ITPR2: variants seen among roughly 807,000 people sequenced by gnomAD.
ITPR2 encodes inositol 1,4,5-trisphosphate-gated calcium channel ITPR2.
A neutral mutation model predicts 317.1 loss-of-function variants in ITPR2; 207 were observed. The ratio of observed to expected loss-of-function variants is 0.65; its 90% CI spans 0.58 to 0.73. The LOEUF is 0.73. Among genes scored for constraint, ITPR2 ranks in the 30% least tolerant of loss-of-function variants. ITPR2 has a pLI of 0.00. For synonymous variants in ITPR2, 1,156 were observed against 1,149.1 expected, an observed-to-expected ratio of 1.01 and a Z score of -0.12; for missense variants, 2,613 against 3,284.0, an observed-to-expected ratio of 0.80 and a Z score of 4.99.
At chr12:26,793,086 A>G (rs1950371704) in intron 1 of ITPR2, among the ~76,000 whole-genome samples, 2 of 152,214 alleles carry the variant, frequency 1.3e-5, no homozygotes, top group South Asian at 4.1e-4. Context: ...ATAGTAAACA[A>G]TAATTCCAGA....
intron 55 of ITPR2, among the ~76,000 whole-genome samples, chr12:26,367,413 AT>A (rs1939045864): frequency 6.6e-6 from 1 of 151,930 alleles, no homozygotes; most frequent in Non-Finnish European, 1.5e-5. Context: ...CATACCCTAT[AT>A]TTTTTTCTTT....
rs1938604941 is a variant in ITPR2 at position 26,355,398 on chromosome 12, T to C, written c.7858-15070A>G. 8.9e-5 allele frequency among the ~76,000 whole-genome samples: 10 copies of C among 111,834 alleles called. No individual in the cohort carries two copies. The Admixed American group carries it at 1.0e-3, about 12-fold the overall frequency. The allele number at this position is 111,834 out of a possible 152,430, so 73.4% of individuals were successfully genotyped here. On this transcript the variant is annotated intron_variant, in intron 55 of 56. Transcript: ENST00000381340. The stretch of plus-strand genomic sequence containing the variant: ...GGTTCCATTAAAACCTAGACTATCA[T>C]TTATTGGATCTGGACCAACTAAGAA...
intron 55 of ITPR2, among the ~76,000 whole-genome samples, chr12:26,347,019 TA>T (rs777995757): frequency 6.6e-6 from 1 of 152,166 alleles, no homozygotes; most frequent in Non-Finnish European, 1.5e-5. Context: ...CCACACCCAG[TA>T]TACTGCAAAT....
intron 45 of ITPR2, among the ~76,000 whole-genome samples, chr12:26,446,832 C>A (rs74794307): frequency 0.074 from 11,218 of 150,664 alleles, 481 homozygotes; most frequent in South Asian, 0.11. Context: ...CTATACATAT[C>A]TTTGAAAATT....
At chr12:26,588,498 C>T (rs976100365) in intron 32 of ITPR2, among the ~76,000 whole-genome samples, 1 of 152,130 alleles carries the variant, frequency 6.6e-6, no homozygotes, top group African/African-American at 2.4e-5. Flanking sequence ...TTTAATAGCT[C>T]ATTCAACTTA....
intron 1 of ITPR2, among the ~76,000 whole-genome samples, chr12:26,796,946 G>A (rs1950456416): frequency 6.6e-6 from 1 of 151,954 alleles, no homozygotes; most frequent in South Asian, 2.1e-4. Flanking sequence ...CTGAGGCAGG[G>A]GAATTGCTTG....
chr12:26,475,107 A>G (rs143405985), intron 45 of ITPR2, among the ~76,000 whole-genome samples, 189 bp downstream of exon 45: 107 of 152,254 alleles, frequency 7.0e-4, no homozygotes, highest in African/African-American at 2.5e-3. Context: ...TTTCCTGAAG[A>G]CTGTCCCTTA....
chr12:26,694,154 T>C (rs934658124), intron 10 of ITPR2, among the ~76,000 whole-genome samples: 4 of 152,228 alleles, frequency 2.6e-5, no homozygotes, highest in Admixed American at 6.5e-5. Flanking sequence ...TACTGTTCTC[T>C]GTTGAACAAT....
At chr12:26,694,493 C>A (rs1472536697) in intron 10 of ITPR2, among the ~76,000 whole-genome samples, 2 of 152,022 alleles carry the variant, frequency 1.3e-5, no homozygotes, top group Non-Finnish European at 2.9e-5. Flanking sequence ...TTCTAACATG[C>A]TCTGAGATGC....
At chr12:26,364,004 G>C (rs932848233) in intron 55 of ITPR2, among the ~76,000 whole-genome samples, 8 of 152,156 alleles carry the variant, frequency 5.3e-5, no homozygotes, top group African/African-American at 1.7e-4. Flanking sequence ...GGAACAAATG[G>C]GGTGGAATGA....
intron 14 of ITPR2, among the ~76,000 whole-genome samples, chr12:26,664,879 A>C (rs901902927): frequency 2.2e-4 from 34 of 152,194 alleles, no homozygotes; most frequent in African/African-American, 7.5e-4. Context: ...ATTTTCAGAC[A>C]ATCAGCTACA....
chr12:26,576,516 G>T (rs542145291), intron 34 of ITPR2, among the ~76,000 whole-genome samples: 2 of 152,178 alleles, frequency 1.3e-5, no homozygotes, highest in Non-Finnish European at 2.9e-5. Context: ...GCGCAGCGCA[G>T]TAAGTGTCCG....
intron 1 of ITPR2, among the ~76,000 whole-genome samples, chr12:26,804,866 T>C (rs906354253): frequency 6.6e-6 from 1 of 152,054 alleles, no homozygotes; most frequent in Admixed American, 6.6e-5. Flanking sequence ...TCCCTATCAG[T>C]TGAGACTACA....
intron 54 of ITPR2, among the ~76,000 whole-genome samples, chr12:26,393,986 C>T (rs1939920667): frequency 6.6e-6 from 1 of 151,532 alleles, no homozygotes; most frequent in Admixed American, 6.6e-5. Context: ...TGGATATTCA[C>T]CAATGCACAT....
At chr12:26,443,877 C>T (rs796279673) in intron 45 of ITPR2, among the ~76,000 whole-genome samples, 20 of 152,186 alleles carry the variant, frequency 1.3e-4, no homozygotes, top group East Asian at 3.9e-4. Flanking sequence ...AATAAATGTA[C>T]GATTGTACCA....
chr12:26,817,286 C>A (rs545602332), intron 1 of ITPR2, among the ~76,000 whole-genome samples: 5 of 151,532 alleles, frequency 3.3e-5, no homozygotes, highest in Non-Finnish European at 7.4e-5. Context: ...GAAAAGCCTG[C>A]GATAATGCTG....
chr12:26,530,393 C>G (rs75906127), intron 37 of ITPR2, among the ~76,000 whole-genome samples: 3,201 of 152,280 alleles, frequency 0.021, 108 homozygotes, highest in African/African-American at 0.072. Context: ...TTGGAAAGTT[C>G]ATTGTTTGTG....
intron 45 of ITPR2, among the ~76,000 whole-genome samples, chr12:26,457,197 G>T (rs1565537359): frequency 6.6e-6 from 1 of 152,184 alleles, no homozygotes; most frequent in Non-Finnish European, 1.5e-5. Context: ...GGGGATGGAG[G>T]TTGCCATTTT....
intron 9 of ITPR2, among the ~76,000 whole-genome samples, chr12:26,705,813 C>T (rs114247399): frequency 6.6e-6 from 1 of 152,194 alleles, no homozygotes; most frequent in Non-Finnish European, 1.5e-5. Flanking sequence ...CCCTTCCTCA[C>T]CATTACTGAA....
Sources: allele counts gnomAD v4.1 joint callset (sites outside exome capture counted in the v4.1 genomes callset), GRCh38; gene constraint gnomAD v4.1.1; transcripts MANE v1.5; gene names NCBI Gene and HGNC (gene_info 2026-07-23, HGNC 2026-07-21).